UBASH3B: variants seen among roughly 807,000 people sequenced by gnomAD.
UBASH3B encodes the protein ubiquitin-associated and SH3 domain-containing protein B.
UBASH3B carries 37 observed loss-of-function variants against 83.4 expected under a neutral mutation model. The ratio of observed to expected loss-of-function variants is 0.44; its 90% CI spans 0.34 to 0.58. UBASH3B has a LOEUF of 0.58. Ranked by LOEUF, UBASH3B falls within the 20% of genes least tolerant of loss-of-function variation. The probability of loss-of-function intolerance (pLI) is 0.01; values close to 1 mark genes in which losing one functional copy is unlikely to be tolerated. For missense variants in UBASH3B, 657 were observed against 827.2 expected (o/e 0.79, Z 2.52); for synonymous variants, 304 against 318.3 (o/e 0.96, Z 0.48).
intron 1 of UBASH3B, among the ~76,000 whole-genome samples, chr11:122,762,360 C>T (rs1861384371): frequency 6.6e-6 from 1 of 152,148 alleles, no homozygotes; most frequent in Admixed American, 6.5e-5. Flanking sequence ...TCAGGGATAG[C>T]GCTAGTGACT....
chr11:122,789,194 C>A lies in UBASH3B; in HGVS notation c.866C>A (p.Thr289Asn). The change falls in exon 6 of 14, where the codon ACC becomes AAC. Residue 289 changes from threonine to asparagine, a missense_variant. This residue lies in a region of UBASH3B where 573 missense variants were observed against 739.0 expected (regional missense o/e 0.78). Coordinates refer to ENST00000284273, the MANE Select transcript of UBASH3B (RefSeq NM_032873.5). ...DFIFMSPMEQ[T>N]STSEGWIYGT... ...ATCTTCATGTCTCCAATGGAGCAGA[C>A]CAGCACCAGCGAGGGTTGGATCTAT... 6.2e-7 allele frequency: 1 copy of A among 1,614,186 alleles called. No individual in the cohort carries two copies. Among genetic ancestry groups the A allele is most frequent in the South Asian group, 1.1e-5 (1 of 91,086 alleles).
chr11:122,693,139 G>C (rs1863917200), intron 1 of UBASH3B, among the ~76,000 whole-genome samples: 2 of 152,286 alleles, frequency 1.3e-5, no homozygotes, highest in South Asian at 4.1e-4. Context: ...TCTCAAGGGT[G>C]GGGAGAACTA....
chr11:122,678,959 A>G (rs1863703378), intron 1 of UBASH3B, among the ~76,000 whole-genome samples: 1 of 152,202 alleles, frequency 6.6e-6, no homozygotes, highest in East Asian at 1.9e-4. Flanking sequence ...TGGCTGCTGG[A>G]TATGCAGGAA....
chr11:122,674,706 A>G (rs1001744756), intron 1 of UBASH3B, among the ~76,000 whole-genome samples: 39 of 145,960 alleles, frequency 2.7e-4, no homozygotes, highest in Non-Finnish European at 4.6e-4. Flanking sequence ...TACTCAGCAC[A>G]GCAAAGCTCT....
At chr11:122,691,173 C>T (rs754993368) in intron 1 of UBASH3B, among the ~76,000 whole-genome samples, 4 of 152,210 alleles carry the variant, frequency 2.6e-5, no homozygotes, top group Admixed American at 6.5e-5. Context: ...ACTGGAAAAA[C>T]GAAACCACAT....
At chr11:122,697,044 G>A (rs1434151097) in intron 1 of UBASH3B, among the ~76,000 whole-genome samples, 2 of 152,174 alleles carry the variant, frequency 1.3e-5, no homozygotes, top group East Asian at 3.8e-4. Context: ...AGTCAGCCCA[G>A]CTCTTTTGGG....
At chr11:122,666,021 G>A (rs1238622787) in intron 1 of UBASH3B, among the ~76,000 whole-genome samples, 1 of 152,190 alleles carries the variant, frequency 6.6e-6, no homozygotes, top group Non-Finnish European at 1.5e-5. Context: ...CCAGGACCAA[G>A]GCTGTTCTCG....
At chr11:122,734,025 A>G (rs1860891308) in intron 1 of UBASH3B, among the ~76,000 whole-genome samples, 1 of 152,094 alleles carries the variant, frequency 6.6e-6, no homozygotes, top group African/African-American at 2.4e-5. Flanking sequence ...AGCTGAGACT[A>G]CAAGTGTGCA....
chr11:122,807,850 C>T (rs1223349853), intron 12 of UBASH3B, among the ~76,000 whole-genome samples: 8 of 152,146 alleles, frequency 5.3e-5, no homozygotes, highest in Non-Finnish European at 8.8e-5. Flanking sequence ...CCACCACACC[C>T]GGCCCCATAA....
At chr11:122,797,176 A>G (rs1450072572) in intron 9 of UBASH3B, 143 bp downstream of exon 9, 8 of 1,186,618 alleles carry the variant, frequency 6.7e-6, no homozygotes, top group Middle Eastern at 2.9e-4. Context: ...CTTACTACAC[A>G]ACCATTAAGT....
chr11:122,741,373 C>A (rs1331652266), intron 1 of UBASH3B, among the ~76,000 whole-genome samples: 1 of 152,180 alleles, frequency 6.6e-6, no homozygotes, highest in African/African-American at 2.4e-5. Context: ...AGACATAAAT[C>A]AACAAAAATA....
intron 1 of UBASH3B, among the ~76,000 whole-genome samples, chr11:122,761,008 G>A (rs1565555174): frequency 2.6e-5 from 4 of 152,210 alleles, no homozygotes; most frequent in Non-Finnish European, 5.9e-5. Flanking sequence ...TGACCAGCAG[G>A]ATGGGTTTGA....
At chr11:122,664,841 A>T (rs1157058475) in intron 1 of UBASH3B, among the ~76,000 whole-genome samples, 1 of 152,218 alleles carries the variant, frequency 6.6e-6, no homozygotes, top group Non-Finnish European at 1.5e-5. Flanking sequence ...GGTTTTTCCC[A>T]TCTGGCACTC....
At chr11:122,735,899 G>A (rs1227478765) in intron 1 of UBASH3B, among the ~76,000 whole-genome samples, 1 of 152,198 alleles carries the variant, frequency 6.6e-6, no homozygotes, top group Non-Finnish European at 1.5e-5. Flanking sequence ...GACACCATCT[G>A]AAAAGGATTT....
intron 11 of UBASH3B, among the ~76,000 whole-genome samples, chr11:122,804,604 A>G (rs919888542): frequency 2.0e-5 from 3 of 152,210 alleles, no homozygotes; most frequent in African/African-American, 7.2e-5. Flanking sequence ...ATCCATAAAC[A>G]GCATTTATGA....
chr11:122,745,374 G>C lies in UBASH3B; in HGVS notation c.162-30845G>C, dbSNP rs11820799. 3.9e-3 allele frequency among the ~76,000 whole-genome samples: 593 copies of C among 152,304 alleles called. 3 individuals are homozygous for C. Among genetic ancestry groups the C allele is most frequent in the African/African-American group, 0.013 (542 of 41,574 alleles). On this transcript the variant is annotated intron_variant, in intron 1 of 13. Coordinates refer to ENST00000284273, the MANE Select transcript of UBASH3B (RefSeq NM_032873.5). Reference sequence around the variant, plus strand: ...CATTCATTCAGCAAGTATTTATGGGGTGCTTACCATGTGGCAACACAGATC... The same window carrying C: ...CATTCATTCAGCAAGTATTTATGGGCTGCTTACCATGTGGCAACACAGATC...
At chr11:122,734,807 A>G (rs28678927) in intron 1 of UBASH3B, among the ~76,000 whole-genome samples, 5 of 151,630 alleles carry the variant, frequency 3.3e-5, no homozygotes, top group African/African-American at 1.2e-4. Context: ...CTTAAAAAAA[A>G]AAAAGAAAAA....
intron 1 of UBASH3B, among the ~76,000 whole-genome samples, chr11:122,724,354 A>G (rs1360693651): frequency 9.2e-5 from 14 of 152,206 alleles, no homozygotes; most frequent in Admixed American, 5.9e-4. Flanking sequence ...AAGTTGCGGC[A>G]TAAGTGCTAA....
rs368165485 is a variant in UBASH3B at position 122,796,288 on chromosome 11, G to A, written c.1234+12G>A. 1 of 1,613,816 alleles carries A rather than the reference G, an allele frequency of 6.2e-7. No individual in the cohort carries two copies. The highest frequency in any genetic ancestry group is 8.5e-7 in the Non-Finnish European group (1 of 1,179,826). ...CTTCGATGCCAAAGGTGAGTTGGTG[G>A]TGGGCCTGCTCAGCACTGCCATACC... On this transcript the variant is annotated intron_variant, in intron 8 of 13. Coordinates refer to ENST00000284273, the MANE Select transcript of UBASH3B (RefSeq NM_032873.5).
Sources: allele counts gnomAD v4.1 joint callset (sites outside exome capture counted in the v4.1 genomes callset), GRCh38; gene constraint gnomAD v4.1.1; regional missense constraint gnomAD v4.1.1; transcripts MANE v1.5; gene names NCBI Gene and HGNC (gene_info 2026-07-23, HGNC 2026-07-21).